TDRD7: variants seen among roughly 807,000 people sequenced by gnomAD.
TDRD7 encodes the protein tudor domain containing 7, also known as tudor domain-containing protein 7.
In TDRD7, 47 loss-of-function variants were observed where a neutral mutation model predicts 109.8. That is an observed-to-expected ratio of 0.43 (90% CI 0.34 to 0.55). The LOEUF (loss-of-function observed/expected upper bound fraction) is 0.55, where lower values mean the gene tolerates loss of function less well. Among genes scored for constraint, TDRD7 ranks in the 20% least tolerant of loss-of-function variants. The pLI is 0.03. For missense variants in TDRD7, 1,164 were observed against 1,319.2 expected (o/e 0.88, Z 1.82); for synonymous variants, 424 against 457.3 (o/e 0.93, Z 0.93).
intron 16 of TDRD7, among the ~76,000 whole-genome samples, chr9:97,489,427 A>T (rs984580025): frequency 1.3e-5 from 2 of 152,156 alleles, no homozygotes; most frequent in Non-Finnish European, 2.9e-5. Flanking sequence ...CTTTCCTTGC[A>T]CTGAAGTCTG....
At chr9:97,444,075 G>T (rs1478776161) in intron 6 of TDRD7, among the ~76,000 whole-genome samples, 1 of 151,974 alleles carries the variant, frequency 6.6e-6, no homozygotes, top group Non-Finnish European at 1.5e-5. Flanking sequence ...ATATCTCTTT[G>T]ATTTAAAAAC....
chr9:97,464,917 T>C lies in TDRD7; in HGVS notation c.1518T>C (p.Pro506=). 6.2e-7 allele frequency: 1 copy of C among 1,614,204 alleles called. No individual in the cohort carries two copies. Among genetic ancestry groups the C allele is most frequent in the Non-Finnish European group, 8.5e-7 (1 of 1,180,026 alleles). ...DEMKEYYSKN[P]KITPVQAVNV... is the part of the protein sequence containing the mutation. ...TGAAGGAATATTACAGTAAGAATCC[T>C]AAGATCACACCAGTCCAGGCTGTGA... Residue 506 remains proline (P), a synonymous_variant, in exon 8 of 17, where the codon CCT becomes CCC. Coordinates refer to ENST00000355295, the MANE Select transcript of TDRD7 (RefSeq NM_014290.3).
chr9:97,460,224 C>T lies in TDRD7; in HGVS notation c.902C>T (p.Ala301Val), dbSNP rs1354327433. The T allele has an allele frequency of 6.2e-7, 1 of 1,614,154 alleles. No homozygotes were observed. The change falls in exon 7 of 17, where the codon GCT (alanine) becomes GTT (valine). Residue 301 changes from alanine to valine, a missense_variant. Transcript: ENST00000355295. ...GGCCAAGATTTACTTCTTTATCCAG[C>T]TAAGAGAAAGCAGCTTTTGAGAAGT... ...SGGQDLLLYPAKRKQLLRSEL... is the reference protein window; with the variant it reads ...SGGQDLLLYPVKRKQLLRSEL...
intron 4 of TDRD7, among the ~76,000 whole-genome samples, chr9:97,433,001 A>G (rs1828131237): frequency 6.6e-6 from 1 of 152,168 alleles, no homozygotes; most frequent in Non-Finnish European, 1.5e-5. Flanking sequence ...ATGGCCTACA[A>G]AGCCAAAAAT....
At chr9:97,469,551 G>A (rs919269359) in intron 8 of TDRD7, among the ~76,000 whole-genome samples, 2 of 152,148 alleles carry the variant, frequency 1.3e-5, no homozygotes, top group Non-Finnish European at 2.9e-5. Context: ...TTTTCAGGGA[G>A]GCAGTGAAAG....
intron 1 of TDRD7, among the ~76,000 whole-genome samples, chr9:97,422,599 C>T (rs1827917972): frequency 6.6e-6 from 1 of 152,138 alleles, no homozygotes; most frequent in African/African-American, 2.4e-5. Flanking sequence ...GCATTCTTGC[C>T]CTGTTCCCAG....
In TDRD7 at chr9:97,428,549, A is replaced by G. The variant is rs1475420616; in HGVS notation, c.84A>G (p.Gln28=). 3 of 1,614,100 alleles carry G rather than the reference A, an allele frequency of 1.9e-6. No individual in the cohort carries two copies. Among genetic ancestry groups the G allele is most frequent in the African/African-American group, 1.3e-5 (1 of 75,064 alleles). Residue 28 remains glutamine, a synonymous_variant, in exon 2 of 17, where the codon CAA becomes CAG. Transcript: ENST00000355295. ...HKNGVALPRL[Q]GEYRSLTGDW... ...ATGGAGTAGCATTACCCCGGCTCCA[A>G]GGAGAGTACAGATCCTTGACTGGAG...
chr9:97,443,917 A>G (rs1322848040), intron 6 of TDRD7, among the ~76,000 whole-genome samples: 2 of 152,108 alleles, frequency 1.3e-5, no homozygotes, highest in Non-Finnish European at 2.9e-5. Flanking sequence ...TCTTAATGTA[A>G]TGTGTTTCTA....
chr9:97,432,617 A>G (rs1245170143), intron 4 of TDRD7, among the ~76,000 whole-genome samples: 1 of 152,194 alleles, frequency 6.6e-6, no homozygotes, highest in Non-Finnish European at 1.5e-5. Context: ...GCCCATGATT[A>G]TGTAGTAGCA....
In TDRD7 at chr9:97,465,870, GA is replaced by G. The variant is rs528908527; in HGVS notation, c.1629+845del. Among the ~76,000 whole-genome samples, 31 of 152,204 alleles carry G rather than the reference GA, an allele frequency of 2.0e-4. No individual in the cohort carries two copies. In the East Asian group the frequency reaches 6.0e-3, roughly 29 times the overall value. On this transcript the variant is annotated intron_variant, in intron 8 of 16. Transcript: ENST00000355295. ...TTAAGATGTCTCCCTTCCCTAAAGG[GA>G]AATGCGCTTTAAGACTTGGGTTCAT...
intron 6 of TDRD7, among the ~76,000 whole-genome samples, chr9:97,445,076 C>T (rs1339023620): frequency 6.6e-6 from 1 of 152,168 alleles, no homozygotes; most frequent in Non-Finnish European, 1.5e-5. Context: ...CAACAATGAG[C>T]CAGCTCCAAG....
At position 97,441,805 on chromosome 9, in the gene TDRD7, A is replaced by G. The variant is rs1301991483; in HGVS notation, c.785A>G (p.Lys262Arg). 3 of 1,613,856 alleles carry G rather than the reference A, an allele frequency of 1.9e-6. No homozygotes were observed. Among genetic ancestry groups the G allele is most frequent in the Non-Finnish European group, 2.5e-6 (3 of 1,179,860 alleles). Reference protein sequence around the residue: ...IWISKLPHFYKELYKEDLNQG... With the variant: ...IWISKLPHFYRELYKEDLNQG... ...ATATCTAAGCTTCCACATTTTTACA[A>G]AGAGTTATATAAAGAAGACCTTAAT... is the stretch of plus-strand genomic sequence containing the variant. The change falls in exon 6 of 17, where the codon AAA becomes AGA. Residue 262 changes from lysine to arginine, a missense_variant. Physicochemically the swap from Lys to Arg is conservative, Grantham distance 26. Transcript: ENST00000355295.
intron 6 of TDRD7, among the ~76,000 whole-genome samples, chr9:97,449,092 A>G (rs568847565): frequency 6.6e-6 from 1 of 152,278 alleles, no homozygotes; most frequent in East Asian, 1.9e-4. Flanking sequence ...GAAGACTTCT[A>G]TTTGTCTGAA....
At chr9:97,481,788 T>C (rs1292819173) in intron 14 of TDRD7, among the ~76,000 whole-genome samples, 1 of 152,252 alleles carries the variant, frequency 6.6e-6, no homozygotes, top group Non-Finnish European at 1.5e-5. Flanking sequence ...TTTTTGTTAA[T>C]TTTTAAAACT....
rs1263190415 is a variant in TDRD7 at position 97,427,210 on chromosome 9, ATC to A, written c.-6-1248_-6-1247del. 7.9e-5 allele frequency among the ~76,000 whole-genome samples: 12 copies of A among 152,202 alleles called. No homozygotes were observed. In the East Asian group the frequency reaches 1.7e-3, roughly 22 times the overall value. On this transcript the variant is annotated intron_variant, in intron 1 of 16. Transcript: ENST00000355295. ...TCTCTGAATGTATCTCCTAGTATGT[ATC>A]TATACATTCTCTGAATGTATCTCCT...
At chr9:97,457,886 A>G (rs976023640) in intron 6 of TDRD7, among the ~76,000 whole-genome samples, 5 of 152,206 alleles carry the variant, frequency 3.3e-5, no homozygotes, top group Non-Finnish European at 7.3e-5. Context: ...ACAGGAATGG[A>G]AAACCAAACG....
rs773234039 is a variant in TDRD7, at chr9:97,473,502, T to C, written c.1955T>C (p.Met652Thr). 6.2e-7 allele frequency: 1 copy of C among 1,613,658 alleles called. No individual in the cohort carries two copies. Among genetic ancestry groups the C allele is most frequent in the Non-Finnish European group, 8.5e-7 (1 of 1,179,666 alleles). Residue 652 changes from methionine (M) to threonine (T), a missense_variant, in exon 11 of 17, where the codon ATG (methionine) becomes ACG (threonine). Met to Thr is a moderately conservative substitution (Grantham distance 81, BLOSUM62 -1). Transcript: ENST00000355295. The part of the protein sequence containing the change: ...SLEVHLQVDA[M>T]YTNVKVTNIC... Reference sequence around the variant, plus strand: ...CTTTGTCTGTTATAGGTTGACGCCATGTACACAAATGTCAAAGTAACTAAT... The same window carrying C: ...CTTTGTCTGTTATAGGTTGACGCCACGTACACAAATGTCAAAGTAACTAAT...
chr9:97,489,638 C>T (rs1829267437), intron 16 of TDRD7, among the ~76,000 whole-genome samples: 2 of 152,098 alleles, frequency 1.3e-5, no homozygotes, highest in African/African-American at 4.8e-5. Flanking sequence ...AGACTATTGA[C>T]ATTGAAAGTG....
chr9:97,416,772 G>A (rs990572185), intron 1 of TDRD7, among the ~76,000 whole-genome samples: 2 of 151,644 alleles, frequency 1.3e-5, no homozygotes, highest in African/African-American at 2.4e-5. Flanking sequence ...TTAGTGAGTA[G>A]GAGAGAAAAG....
Sources: allele counts gnomAD v4.1 joint callset (sites outside exome capture counted in the v4.1 genomes callset), GRCh38; gene constraint gnomAD v4.1.1; transcripts MANE v1.5; gene names NCBI Gene and HGNC (gene_info 2026-07-23, HGNC 2026-07-21).